CFAP58: variants seen among roughly 807,000 people sequenced by gnomAD.
CFAP58 encodes cilia and flagella associated protein 58, also known as cilia- and flagella-associated protein 58.
CFAP58 carries 88 observed loss-of-function variants against 119.5 expected under a neutral mutation model. That is an observed-to-expected ratio of 0.74 (90% CI 0.62 to 0.88). The LOEUF (loss-of-function observed/expected upper bound fraction) is 0.88, where lower values mean the gene tolerates loss of function less well. CFAP58 is among the 40% of genes least tolerant of loss of function. The pLI is 0.00. For synonymous variants in CFAP58, 365 were observed against 366.3 expected, an observed-to-expected ratio of 1.00 and a Z score of 0.04; for missense variants, 990 against 1,021.2, an observed-to-expected ratio of 0.97 and a Z score of 0.42.
intron 9 of CFAP58, chr10:104,382,250 C>A: frequency 2.8e-6 from 2 of 712,480 alleles, no homozygotes; most frequent in Non-Finnish European, 5.2e-6. Context: ...CATATTCCAC[C>A]GGCCAACCAA....
rs995160421 is a variant in CFAP58 at position 104,412,438 on chromosome 10, C to T, written c.2256+5645C>T. 3.3e-5 allele frequency among the ~76,000 whole-genome samples: 5 copies of T among 152,180 alleles called. No homozygotes were observed. The Middle Eastern group carries it at 0.014, about 414-fold the overall frequency. On this transcript the variant is annotated intron_variant, in intron 15 of 17. Coordinates refer to ENST00000369704, the MANE Select transcript of CFAP58 (RefSeq NM_001008723.2). ...TTATTTAGCGTTTGGAATGGTTGGG[C>T]TCTCCTGTGCCTGCTGTGATTTTTC...
chr10:104,447,845 G>A (rs1450247662), intron 16 of CFAP58, 28 bp downstream of exon 16: 2 of 1,576,152 alleles, frequency 1.3e-6, no homozygotes, highest in Non-Finnish European at 1.7e-6. Context: ...TTCCTTCCGG[G>A]TTCCAGGGCA....
At chr10:104,401,176 A>G (rs1030750604) in intron 13 of CFAP58, among the ~76,000 whole-genome samples, 1 of 152,214 alleles carries the variant, frequency 6.6e-6, no homozygotes, top group Non-Finnish European at 1.5e-5. Flanking sequence ...TGCATTTTAC[A>G]AAAGAATTTT....
At chr10:104,392,198 A>G (rs755743991) in intron 9 of CFAP58, 35 bp from the exon 10 acceptor site, 15 of 1,527,524 alleles carry the variant, frequency 9.8e-6, no homozygotes, top group Non-Finnish European at 1.3e-5. Flanking sequence ...CAGATGGGCT[A>G]TTTAACCACA....
intron 15 of CFAP58, among the ~76,000 whole-genome samples, chr10:104,435,404 C>G (rs2012917124): frequency 6.6e-6 from 1 of 152,178 alleles, no homozygotes; most frequent in Non-Finnish European, 1.5e-5. Context: ...ATCTCTTGAA[C>G]CCGGGAGGTG....
intron 1 of CFAP58, among the ~76,000 whole-genome samples, chr10:104,356,415 T>C (rs985266159): frequency 6.6e-6 from 1 of 152,196 alleles, no homozygotes; most frequent in Non-Finnish European, 1.5e-5. Context: ...GACTACAGAT[T>C]GTTTCAGTTG....
intron 15 of CFAP58, among the ~76,000 whole-genome samples, chr10:104,419,788 A>G (rs1487241692): frequency 1.3e-5 from 2 of 152,196 alleles, no homozygotes; most frequent in South Asian, 2.1e-4. Context: ...TAAAACATTT[A>G]GAATAGTCCC....
intron 15 of CFAP58, among the ~76,000 whole-genome samples, chr10:104,426,172 G>A (rs12249522): frequency 0.15 from 22,343 of 152,120 alleles, 1,826 homozygotes; most frequent in Middle Eastern, 0.31. Context: ...ACCAGAGGTC[G>A]AGGCTGCAGT....
intron 15 of CFAP58, among the ~76,000 whole-genome samples, chr10:104,444,494 T>C (rs546345814): frequency 6.6e-6 from 1 of 152,344 alleles, no homozygotes; most frequent in African/African-American, 2.4e-5. Context: ...ATACACACCA[T>C]TGCACAATGT....
At chr10:104,347,116 G>C in the CFAP58 span, among the ~76,000 whole-genome samples, 60,572 of 151,746 alleles carry the variant, frequency 0.4, 14,282 homozygotes, top group African/African-American at 0.66. Flanking sequence ...CTGCTTTTAA[G>C]CCAATAAAAT....
At chr10:104,353,944 C>G in intron 1 of CFAP58, 38 bp downstream of exon 1, 1 of 1,610,950 alleles carries the variant, frequency 6.2e-7, no homozygotes, top group Non-Finnish European at 8.5e-7. Context: ...TTTCCCTTGA[C>G]CCCTCCCCAT....
intron 8 of CFAP58, among the ~76,000 whole-genome samples, chr10:104,377,396 C>G (rs1221890874): frequency 6.6e-6 from 1 of 152,188 alleles, no homozygotes; most frequent in Non-Finnish European, 1.5e-5. Context: ...GACCTTCCAG[C>G]TCAGTGTGGT....
At chr10:104,419,460 C>T (rs1301030456) in intron 15 of CFAP58, among the ~76,000 whole-genome samples, 11 of 152,040 alleles carry the variant, frequency 7.2e-5, no homozygotes, top group Admixed American at 4.6e-4. Context: ...CGGTCCCAAA[C>T]GCAATATTCA....
intron 15 of CFAP58, among the ~76,000 whole-genome samples, chr10:104,414,102 T>C (rs2012506212): frequency 6.6e-6 from 1 of 152,140 alleles, no homozygotes; most frequent in Non-Finnish European, 1.5e-5. Flanking sequence ...TGGTGGGCTA[T>C]GGGCCCCAGT....
the CFAP58 span, among the ~76,000 whole-genome samples, chr10:104,340,257 T>C: frequency 6.6e-6 from 1 of 152,198 alleles, no homozygotes; most frequent in Non-Finnish European, 1.5e-5. Context: ...TTGCAGTTCT[T>C]GGAACCTGTG....
the CFAP58 span, among the ~76,000 whole-genome samples, chr10:104,344,014 A>T: frequency 6.6e-6 from 1 of 152,216 alleles, no homozygotes; most frequent in East Asian, 1.9e-4. Context: ...AAGTGCTGGG[A>T]TTACAGGAGT....
At chr10:104,421,210 T>C (rs2012652356) in intron 15 of CFAP58, among the ~76,000 whole-genome samples, 1 of 152,352 alleles carries the variant, frequency 6.6e-6, no homozygotes, top group East Asian at 1.9e-4. Flanking sequence ...GCACTCATCA[T>C]GTAGAAGCAT....
intron 11 of CFAP58, among the ~76,000 whole-genome samples, chr10:104,397,071 A>G (rs79668057): frequency 0.02 from 3,015 of 152,330 alleles, 111 homozygotes; most frequent in African/African-American, 0.068. Flanking sequence ...TGAATATAAC[A>G]GGGGTTTCAT....
intron 15 of CFAP58, among the ~76,000 whole-genome samples, chr10:104,413,658 C>T (rs1341279950): frequency 6.6e-6 from 1 of 152,056 alleles, no homozygotes; most frequent in Admixed American, 6.6e-5. Context: ...TGGGATGAGG[C>T]AGGTCTATAT....
Sources: allele counts gnomAD v4.1 joint callset (sites outside exome capture counted in the v4.1 genomes callset), GRCh38; gene constraint gnomAD v4.1.1; transcripts MANE v1.5; gene names NCBI Gene and HGNC (gene_info 2026-07-23, HGNC 2026-07-21).